The following COPB2 variants were observed in gnomAD, a reference collection of about 807,000 sequenced individuals.
COPB2 encodes the protein coatomer subunit beta'.
COPB2 carries 16 observed loss-of-function variants against 120.8 expected under a neutral mutation model. The observed-to-expected ratio is 0.13, with a 90% confidence interval of 0.09 to 0.20. The LOEUF (loss-of-function observed/expected upper bound fraction) is 0.20. Among genes scored for constraint, COPB2 ranks in the 10% least tolerant of loss-of-function variants. COPB2 has a pLI of 1.00. For synonymous variants in COPB2, 332 were observed against 366.3 expected, an observed-to-expected ratio of 0.91 and a Z score of 1.07; for missense variants, 794 against 1,076.5, an observed-to-expected ratio of 0.74 and a Z score of 3.67.
intron 12 of COPB2, 79 bp from the exon 13 acceptor site, chr3:139,368,367 C>G: frequency 7.3e-7 from 1 of 1,364,586 alleles, no homozygotes; most frequent in Non-Finnish European, 9.9e-7. Flanking sequence ...TGGTTTCTTA[C>G]AACATTTACC....
intron 4 of COPB2, 40 bp downstream of exon 4, chr3:139,379,006 AC>A (rs748641798): frequency 3.9e-6 from 6 of 1,531,116 alleles, no homozygotes; most frequent in Non-Finnish European, 5.3e-6. Flanking sequence ...AAAATGAATT[AC>A]CCAAAGAGAC....
At chr3:139,364,300 CCACCTCCCCTCTCT>C (rs1482933317) in intron 15 of COPB2, among the ~76,000 whole-genome samples, 6 of 152,116 alleles carry the variant, frequency 3.9e-5, no homozygotes, top group South Asian at 4.2e-4. Context: ...CTCCCCTCTC[CCACCTCCCCTCTCT>C]CACCTCCCCT....
intron 15 of COPB2, among the ~76,000 whole-genome samples, chr3:139,363,406 T>C (rs561771613): frequency 3.5e-4 from 54 of 152,312 alleles, no homozygotes; most frequent in African/African-American, 1.2e-3. Context: ...TTCTGTGCTC[T>C]TTATGAGACT....
In COPB2 at chr3:139,379,130, C is replaced by T; in HGVS notation, c.272G>A (p.Arg91Lys). The T allele has an allele frequency of 6.2e-7, 1 of 1,611,978 alleles. No individual in the cohort carries two copies. The highest frequency in any genetic ancestry group is 8.5e-7 in the Non-Finnish European group (1 of 1,179,422). ...IRVFNYNTLE[R>K]VHMFEAHSDY... is the part of the protein sequence containing the mutation. ...TGAGTGTGCTTCAAACATATGAACT[C>T]TCTCCAGAGTATTGTAATTGAACAC... Residue 91 changes from arginine (R) to lysine (K), a missense_variant, in exon 4 of 22, where the codon AGA (arginine) becomes AAA (lysine). Around this residue, in one of 3 missense-constraint regions of COPB2, gnomAD observed 610 missense variants for 866.7 expected, o/e 0.70. Transcript: ENST00000333188.
At chr3:139,378,814 G>A (rs1345010610) in intron 4 of COPB2, among the ~76,000 whole-genome samples, 1 of 152,140 alleles carries the variant, frequency 6.6e-6, no homozygotes, top group African/African-American at 2.4e-5. Flanking sequence ...TAGACTTGTA[G>A]GTCTTCTCTG....
intron 2 of COPB2, chr3:139,379,915 GGC>G (rs1941777162): frequency 6.1e-6 from 1 of 163,234 alleles, no homozygotes; most frequent in African/African-American, 2.4e-5. Context: ...ACACTGTATA[GGC>G]AGAGGATAGA....
chr3:139,358,329 G>A (rs1941333544), intron 20 of COPB2, 58 bp from the exon 21 acceptor site: 10 of 1,450,656 alleles, frequency 6.9e-6, no homozygotes, highest in Admixed American at 3.4e-5. Flanking sequence ...GGAATTTAAA[G>A]TTTTCCCCCA....
At chr3:139,358,360 AG>A in intron 20 of COPB2, 89 bp from the exon 21 acceptor site, 1 of 1,135,422 alleles carries the variant, frequency 8.8e-7, no homozygotes, top group Non-Finnish European at 1.3e-6. Flanking sequence ...GATCAGAATT[AG>A]GAAGTGGGAG....
At position 139,379,333 on chromosome 3, in the gene COPB2, T is replaced by C; in HGVS notation, c.228+47A>G. 2.5e-6 allele frequency: 4 copies of C among 1,590,674 alleles called. No homozygotes were observed. The South Asian group carries it at 4.5e-5, about 18-fold the overall frequency. ...ATCCTGCAACAAATTTACACAATCA[T>C]TGACCAATTCAGAAAATGGGAATAG... On this transcript the variant is annotated intron_variant, in intron 3 of 21. Coordinates refer to ENST00000333188, the MANE Select transcript of COPB2 (RefSeq NM_004766.3).
In COPB2 at chr3:139,379,466, T is replaced by A; in HGVS notation, c.142A>T (p.Thr48Ser). 1 of 1,612,804 alleles carries A rather than the reference T, an allele frequency of 6.2e-7. No individual in the cohort carries two copies. The highest frequency in any genetic ancestry group is 8.5e-7 in the Non-Finnish European group (1 of 1,179,272). ...SVCVWNHETQ[T>S]LVKTFEVCDL... is the part of the protein sequence containing the mutation. ...CATACTTCAAATGTCTTCACCAGTGTCTTTAAAATGTAACAAGAATACACA... is the reference window on the plus strand; with the variant it reads ...CATACTTCAAATGTCTTCACCAGTGACTTTAAAATGTAACAAGAATACACA... The change falls in exon 3 of 22, where the codon ACA becomes TCA. Residue 48 changes from threonine (T) to serine (S), a missense_variant and splice_region_variant. Around this residue, in one of 3 missense-constraint regions of COPB2, gnomAD observed 610 missense variants for 866.7 expected, o/e 0.70. Coordinates refer to ENST00000333188, the MANE Select transcript of COPB2 (RefSeq NM_004766.3).
At chr3:139,375,808 C>T (rs566243016) in intron 5 of COPB2, among the ~76,000 whole-genome samples, 194 bp from the exon 6 acceptor site, 93 of 152,204 alleles carry the variant, frequency 6.1e-4, no homozygotes, top group Non-Finnish European at 1.2e-3. Context: ...ATCACTATGG[C>T]GTTCTTTAAA....
At chr3:139,358,683 A>G in intron 20 of COPB2, 61 bp downstream of exon 20, 3 of 1,238,540 alleles carry the variant, frequency 2.4e-6, no homozygotes, top group Non-Finnish European at 3.6e-6. Flanking sequence ...TCTGTCTCAA[A>G]AGAAAAAAAA....
In COPB2 at chr3:139,359,090, A is replaced by G. The variant is rs1165310160; in HGVS notation, c.2392T>C (p.Phe798Leu). ...LADPTEYENL[F>L]PGLKEAFVVE... is the part of the protein sequence containing the mutation. The stretch of plus-strand genomic sequence containing the variant: ...ACAAAGGCTTCTTTTAATCCAGGGA[A>G]CAGGTTTTCATACTCTGTTGGGTCA... Residue 798 changes from phenylalanine (F) to leucine (L), a missense_variant, in exon 19 of 22, where the codon TTC (phenylalanine) becomes CTC (leucine). By Grantham distance (22) the Phe-to-Leu change is conservative. Transcript: ENST00000333188. 5 of 1,613,996 alleles carry G rather than the reference A, an allele frequency of 3.1e-6. No homozygotes were observed. Among genetic ancestry groups the G allele is most frequent in the Non-Finnish European group, 4.2e-6 (5 of 1,180,010 alleles).
intron 15 of COPB2, 58 bp from the exon 16 acceptor site, chr3:139,362,575 T>TATAG (rs1491423708): frequency 7.2e-6 from 1 of 138,120 alleles, no homozygotes; most frequent in Non-Finnish European, 1.7e-5. Context: ...ATGTATGTTT[T>TATAG]ATATATATAT....
At chr3:139,367,549 A>G (rs1475482067) in intron 13 of COPB2, among the ~76,000 whole-genome samples, 1 of 152,102 alleles carries the variant, frequency 6.6e-6, no homozygotes, top group Non-Finnish European at 1.5e-5. Flanking sequence ...CGGCCTCCCA[A>G]AGTGCTGGGA....
chr3:139,387,763 T>C (rs536781807), intron 1 of COPB2, among the ~76,000 whole-genome samples: 9 of 152,320 alleles, frequency 5.9e-5, no homozygotes, highest in African/African-American at 1.9e-4. Context: ...AGATGTGCAA[T>C]AGTGGGCAAA....
In COPB2 at chr3:139,366,550, A is replaced by G. The variant is rs1273824468; in HGVS notation, c.1884+18T>C. The G allele has an allele frequency of 1.9e-6, 3 of 1,566,802 alleles. No individual in the cohort carries two copies. Among genetic ancestry groups the G allele is most frequent in the Admixed American group, 2.0e-5 (1 of 49,930 alleles). Reference sequence around the variant, plus strand: ...TGCAAGTTTTAAAAAACAAAAAGAAAAAAACAAAACCTCTTACCTGCTTTT... The same window carrying G: ...TGCAAGTTTTAAAAAACAAAAAGAAGAAAACAAAACCTCTTACCTGCTTTT... On this transcript the variant is annotated intron_variant, in intron 15 of 21. Coordinates refer to ENST00000333188, the MANE Select transcript of COPB2 (RefSeq NM_004766.3).
Position 139,361,210 on chromosome 3 carries a change from T to C in COPB2, c.2081A>G (p.Gln694Arg), listed in dbSNP as rs1941412878. The C allele has an allele frequency of 6.2e-7, 1 of 1,614,256 alleles. No homozygotes were observed. The highest frequency in any genetic ancestry group is 8.5e-7 in the Non-Finnish European group (1 of 1,180,044). Residue 694 changes from glutamine (Q) to arginine (R), a missense_variant, in exon 17 of 22, where the codon CAG (glutamine) becomes CGG (arginine). Gln to Arg is a conservative substitution (Grantham distance 43). Transcript: ENST00000333188. ...CAAAAGCAGCAGGCCCCCATAATCC[T>C]GTGCATGATGCAGGCACTCCTGGGC... Reference protein sequence around the residue: ...GLAQECLHHAQDYGGLLLLAT... With the variant: ...GLAQECLHHARDYGGLLLLAT...
At chr3:139,384,987 C>A (rs902003046) in intron 1 of COPB2, 29 of 152,218 alleles carry the variant, frequency 1.9e-4, no homozygotes, top group Admixed American at 1.7e-3. Flanking sequence ...ATAGAATTAT[C>A]TAGTAAATAA....
Sources: gnomAD v4.1 joint callset for allele counts (sites outside exome capture counted in the v4.1 genomes callset) on GRCh38, gnomAD v4.1.1 for gene constraint, gnomAD v4.1.1 regional missense constraint, MANE v1.5 for transcripts, NCBI Gene and HGNC (gene_info 2026-07-23, HGNC 2026-07-21) for gene names.